The following NAA15 variants were observed in gnomAD, a reference collection of about 807,000 sequenced individuals.
The protein encoded by NAA15 is N-terminal acetyltransferase.
In NAA15, 34 loss-of-function variants were observed where a neutral mutation model predicts 114.0. The observed-to-expected ratio is 0.30, with a 90% CI of 0.23 to 0.40. The LOEUF (loss-of-function observed/expected upper bound fraction) is 0.40, where lower values mean the gene tolerates loss of function less well. NAA15 is among the 10% of genes least tolerant of loss of function. The pLI is 1.00. For synonymous variants in NAA15, 340 were observed against 338.0 expected (o/e 1.01, Z -0.06); for missense variants, 658 against 1,004.5 (o/e 0.66, Z 4.66).
In NAA15 at chr4:139,359,786, C is replaced by G. The variant is rs200767450; in HGVS notation, c.1301C>G (p.Ala434Gly). ...IKEAARWMDE[A>G]QALDTADRFI... ...GAAGCTGCAAGGTGGATGGATGAGGCCCAGGCCTTGGACACAGCAGACAGA... is the reference window on the plus strand; with the variant it reads ...GAAGCTGCAAGGTGGATGGATGAGGGCCAGGCCTTGGACACAGCAGACAGA... Residue 434 changes from alanine to glycine, a missense_variant, in exon 12 of 20, where the codon GCC becomes GGC. By Grantham distance (60) the Ala-to-Gly change is moderately conservative. Coordinates refer to ENST00000296543, the MANE Select transcript of NAA15 (RefSeq NM_057175.5). 9 of 1,607,818 alleles carry G rather than the reference C, an allele frequency of 5.6e-6. No homozygotes were observed. In the East Asian group the frequency reaches 1.6e-4, roughly 28 times the overall value.
chr4:139,359,930 G>C (rs751882632), intron 12 of NAA15, 35 bp downstream of exon 12: 13 of 1,528,318 alleles, frequency 8.5e-6, no homozygotes, highest in Non-Finnish European at 1.0e-5. Context: ...TATGAATAAA[G>C]AAGACATGAG....
chr4:139,330,194 A>G (rs1228779998), intron 1 of NAA15, among the ~76,000 whole-genome samples: 14 of 152,364 alleles, frequency 9.2e-5, no homozygotes, highest in Admixed American at 9.1e-4. Flanking sequence ...CCTTATAGGT[A>G]TGAATTTTCA....
At chr4:139,322,003 A>G (rs1407789422) in intron 1 of NAA15, among the ~76,000 whole-genome samples, 3 of 152,070 alleles carry the variant, frequency 2.0e-5, no homozygotes, top group Non-Finnish European at 4.4e-5. Context: ...ATCCTAGGAT[A>G]TTTAATGTCT....
In NAA15 at chr4:139,378,820, G is replaced by T; in HGVS notation, c.2121G>T (p.Trp707Cys). The stretch of plus-strand genomic sequence containing the variant: ...TTGCTATTGATTCTAGTCATCCCTG[G>T]CTTCATGAGTGTATGATTCGTCTCT... ...RAFAIDSSHP[W>C]LHECMIRLFN... The change falls in exon 17 of 20, where the codon TGG (tryptophan) becomes TGT (cysteine). Residue 707 changes from tryptophan to cysteine, a missense_variant. By Grantham distance (215) the Trp-to-Cys change is radical (BLOSUM62 -2). Coordinates refer to ENST00000296543, the MANE Select transcript of NAA15 (RefSeq NM_057175.5). 1 of 1,555,836 alleles carries T rather than the reference G, an allele frequency of 6.4e-7. No individual in the cohort carries two copies.
At chr4:139,349,613 T>A in intron 7 of NAA15, 32 bp downstream of exon 7, 1 of 1,547,494 alleles carries the variant, frequency 6.5e-7, no homozygotes. Context: ...TAAGTTTTAT[T>A]GTTTCTTTTG....
intron 1 of NAA15, among the ~76,000 whole-genome samples, chr4:139,322,287 C>T (rs897939575): frequency 1.3e-5 from 2 of 152,088 alleles, no homozygotes; most frequent in South Asian, 2.1e-4. Flanking sequence ...GGGGAGTTTC[C>T]CTGCACAAGC....
At chr4:139,366,389 A>G (rs1314032362) in intron 14 of NAA15, among the ~76,000 whole-genome samples, 1 of 152,128 alleles carries the variant, frequency 6.6e-6, no homozygotes, top group Non-Finnish European at 1.5e-5. Flanking sequence ...CATGGTAGCT[A>G]ATGATGACAG....
rs906935758 is a variant in NAA15, at chr4:139,391,115, CTT to C, written c.*3033_*3034del. ...TAAAGCCTTAAATTTTGAAATGAAT[CTT>C]TGAGATTTCAAAGAAAGACTGACCT... On this transcript the variant is annotated 3_prime_UTR_variant, in exon 20 of 20. Transcript: ENST00000296543. 3 of 152,178 alleles carry C rather than the reference CTT, an allele frequency of 2.0e-5. No homozygotes were observed. Among genetic ancestry groups the C allele is most frequent in the African/African-American group, 7.2e-5 (3 of 41,446 alleles). The allele number at this position is 152,178 out of a possible 1,614,324, so 9.4% of individuals were successfully genotyped here.
intron 1 of NAA15, among the ~76,000 whole-genome samples, chr4:139,311,035 C>T (rs112122062): frequency 6.6e-6 from 1 of 151,834 alleles, no homozygotes; most frequent in Non-Finnish European, 1.5e-5. Context: ...AGCGATTCTC[C>T]CACCTTAGTC....
At chr4:139,323,374 A>G (rs564121781) in intron 1 of NAA15, among the ~76,000 whole-genome samples, 1 of 152,136 alleles carries the variant, frequency 6.6e-6, no homozygotes, top group South Asian at 2.1e-4. Flanking sequence ...TTGTATTTTT[A>G]GTAGAGACGG....
chr4:139,355,089 G>T (rs1747903397), intron 10 of NAA15, among the ~76,000 whole-genome samples: 1 of 151,960 alleles, frequency 6.6e-6, no homozygotes, highest in South Asian at 2.1e-4. Context: ...GGCCAGGCCA[G>T]GCTGGTCTCG....
chr4:139,336,036 G>C (rs1747190683), intron 2 of NAA15, among the ~76,000 whole-genome samples: 2 of 152,176 alleles, frequency 1.3e-5, no homozygotes, highest in Non-Finnish European at 2.9e-5. Context: ...TGAGATTACA[G>C]GTGTGAGGCA....
intron 18 of NAA15, among the ~76,000 whole-genome samples, chr4:139,385,729 T>C (rs563214555): frequency 1.3e-5 from 2 of 152,302 alleles, no homozygotes; most frequent in African/African-American, 2.4e-5. Context: ...GAATTCAGCA[T>C]TTTGGCTCAC....
intron 14 of NAA15, among the ~76,000 whole-genome samples, chr4:139,368,319 G>C (rs774717779): frequency 6.6e-6 from 1 of 152,206 alleles, no homozygotes; most frequent in Non-Finnish European, 1.5e-5. Flanking sequence ...GTTCATGCCT[G>C]TAGTCCTAAT....
chr4:139,301,982 C>A, intron 1 of NAA15, 151 bp downstream of exon 1: 1 of 803,112 alleles, frequency 1.2e-6, no homozygotes, highest in South Asian at 2.0e-5. Context: ...GCTTTGCTCC[C>A]TCTCTGTGGT....
chr4:139,351,136 GAA>G, intron 7 of NAA15, 53 bp from the exon 8 acceptor site: 1 of 917,402 alleles, frequency 1.1e-6, no homozygotes, highest in Non-Finnish European at 1.6e-6. Context: ...TAATTTTCCA[GAA>G]AAAATATACA....
intron 1 of NAA15, among the ~76,000 whole-genome samples, chr4:139,330,040 TG>T (rs1746950587): frequency 6.6e-6 from 1 of 152,234 alleles, no homozygotes; most frequent in African/African-American, 2.4e-5. Context: ...TCATATATTT[TG>T]TCCAGTTTTC....
At chr4:139,310,311 G>A (rs894498648) in intron 1 of NAA15, among the ~76,000 whole-genome samples, 41 of 151,148 alleles carry the variant, frequency 2.7e-4, no homozygotes, top group Non-Finnish European at 3.7e-4. Flanking sequence ...AAAATTAGCC[G>A]GGCGTAGTGG....
intron 1 of NAA15, among the ~76,000 whole-genome samples, chr4:139,325,558 C>T (rs557762546): frequency 6.6e-6 from 1 of 152,300 alleles, no homozygotes; most frequent in Non-Finnish European, 1.5e-5. Flanking sequence ...TTTCCAGTCA[C>T]ACCACCAAAA....
Sources: allele counts gnomAD v4.1 joint callset (sites outside exome capture counted in the v4.1 genomes callset), GRCh38; gene constraint gnomAD v4.1.1; transcripts MANE v1.5; gene names NCBI Gene and HGNC (gene_info 2026-07-23, HGNC 2026-07-21).